PKD1: variants seen among roughly 807,000 people sequenced by gnomAD.
PKD1 encodes the protein polycystin-1.
Under a neutral mutation model 361.7 loss-of-function variants are expected in PKD1, and 81 were observed. The observed-to-expected ratio is 0.22, with a 90% CI of 0.19 to 0.27. PKD1 has a LOEUF of 0.27. Ranked by LOEUF, PKD1 falls within the 10% of genes least tolerant of loss-of-function variation. PKD1 has a pLI of 1.00. For missense variants in PKD1, 6,399 were observed against 6,118.3 expected (o/e 1.05, Z -1.53); for synonymous variants, 3,615 against 2,818.3 (o/e 1.28, Z -8.95).
Position 2,093,792 on chromosome 16 carries a change from C to G in PKD1, c.10821+19G>C. The G allele has an allele frequency of 6.4e-7, 1 of 1,553,668 alleles. No homozygotes were observed. Among genetic ancestry groups the G allele is most frequent in the Non-Finnish European group, 8.7e-7 (1 of 1,152,464 alleles). The stretch of plus-strand genomic sequence containing the variant: ...CCCCGTGATGGAGGCCTGTAGCCTA[C>G]CCCTGGCAGCCCCCTCACCTTCAGT... On this transcript the variant is annotated intron_variant, in intron 36 of 45. Coordinates refer to ENST00000262304, the MANE Select transcript of PKD1 (RefSeq NM_001009944.3).
Position 2,122,532 on chromosome 16 carries a change from G to A in PKD1, c.216-3154C>T, listed in dbSNP as rs555000591. 2.0e-5 allele frequency among the ~76,000 whole-genome samples: 3 copies of A among 152,350 alleles called. No individual in the cohort carries two copies. In the South Asian group the frequency reaches 6.2e-4, roughly 32 times the overall value. ...GGGTGGGCCCACAGCCGCGCTGCTAGGCATCCACACCATCCCCGCCGTGGG... is the reference window on the plus strand; with the variant it reads ...GGGTGGGCCCACAGCCGCGCTGCTAAGCATCCACACCATCCCCGCCGTGGG... On this transcript the variant is annotated intron_variant, in intron 1 of 45. Transcript: ENST00000262304.
intron 39 of PKD1, 63 bp downstream of exon 39, chr16:2,092,417 C>T: frequency 2.5e-6 from 3 of 1,218,234 alleles, no homozygotes; most frequent in Non-Finnish European, 3.6e-6. Flanking sequence ...CAGAGCTCCG[C>T]TAAAGGCTGC....
chr16:2,105,457 G>C lies in PKD1; in HGVS notation c.7881C>G (p.Asp2627Glu), dbSNP rs759121558. Residue 2627 changes from aspartate (D) to glutamate (E), a missense_variant, in exon 21 of 46, where the codon GAC becomes GAG. Transcript: ENST00000262304. Reference sequence around the variant, plus strand: ...GCTCGTGCTTGGGCTCTGCCGCCACGTCCAGGGCCCGCTCGTACTGGGGCA... The same window carrying C: ...GCTCGTGCTTGGGCTCTGCCGCCACCTCCAGGGCCCGCTCGTACTGGGGCA... ...TVLNEYERAL[D>E]VAAEPKHERQ... 8 of 1,594,398 alleles carry C rather than the reference G, an allele frequency of 5.0e-6. No individual in the cohort carries two copies. In the Admixed American group the frequency reaches 1.3e-4, roughly 27 times the overall value.
In PKD1 at chr16:2,090,282, C is replaced by T. The variant is rs761540241; in HGVS notation, c.12444+3G>A. 6.2e-7 allele frequency: 1 copy of T among 1,609,018 alleles called. No homozygotes were observed. Among genetic ancestry groups the T allele is most frequent in the Non-Finnish European group, 8.5e-7 (1 of 1,177,536 alleles). On this transcript the variant is annotated splice_donor_region_variant and intron_variant, in intron 45 of 45. Transcript: ENST00000262304. The stretch of plus-strand genomic sequence containing the variant: ...CCTCTCCCCCCCACTGGGCCGTACC[C>T]ACCTCCTTGACCTTGCTGAGGCCCA...
At position 2,089,474 on chromosome 16, in the gene PKD1, C is replaced by T. The variant is rs1330544126; in HGVS notation, c.*253G>A. On this transcript the variant is annotated 3_prime_UTR_variant, in exon 46 of 46. Transcript: ENST00000262304. ...CTGAGGACTCGGGGAAATAAATTAG[C>T]ATCTCAGAGGCTAGAAACCGTCCAA... 10 of 557,646 alleles carry T rather than the reference C, an allele frequency of 1.8e-5. No individual in the cohort carries two copies. Among genetic ancestry groups the T allele is most frequent in the East Asian group, 1.8e-4 (6 of 33,654 alleles). 34.5% of individuals were successfully genotyped at this position (557,646 alleles called of 1,614,324 possible). A position where few individuals can be genotyped will look rare whatever the true frequency, so the allele number is the denominator to read the frequency against.
chr16:2,135,709 T>A lies in PKD1; in HGVS notation c.-20A>T. On this transcript the variant is annotated 5_prime_UTR_variant, in exon 1 of 46. An upstream start codon of the reference 5' UTR is lost. Transcript: ENST00000262304. ...CGGCATCGTTAGGGCAGCGCGCGCA[T>A]GGCCCCGCCGTCCCCAGGCCCGCCC... 2 of 911,806 alleles carry A rather than the reference T, an allele frequency of 2.2e-6. No homozygotes were observed. Among genetic ancestry groups the A allele is most frequent in the East Asian group, 1.2e-4 (1 of 8,298 alleles). 56.5% of individuals were successfully genotyped at this position (911,806 alleles called of 1,614,324 possible). A position where few individuals can be genotyped will look rare whatever the true frequency, so the allele number is the denominator to read the frequency against.
At position 2,110,078 on chromosome 16, in the gene PKD1, G is replaced by A; in HGVS notation, c.5089C>T (p.Leu1697=). ...VLEAGTYHVQ[L]RATNMLGSAW... is the part of the protein sequence containing the mutation. ...CTGCCCAGCATGTTGGTGGCCCGCA[G>A]CTGCACATGGTAGGTGCCGGCCTCG... Residue 1697 remains leucine (L), a synonymous_variant, in exon 15 of 46, where the codon CTG becomes TTG. Transcript: ENST00000262304. 6.2e-7 allele frequency: 1 copy of A among 1,609,928 alleles called. No homozygotes were observed. Among genetic ancestry groups the A allele is most frequent in the African/African-American group, 1.3e-5 (1 of 74,974 alleles).
At chr16:2,091,753 C>G (rs777380909) in intron 41 of PKD1, 28 bp downstream of exon 41, 13 of 1,608,256 alleles carry the variant, frequency 8.1e-6, no homozygotes, top group Non-Finnish European at 1.0e-5. Flanking sequence ...GCGGCCACCC[C>G]GGAGAGGGCA....
rs2092303581 is a variant in PKD1, at chr16:2,105,414, T to C, written c.7924A>G (p.Ile2642Val). The C allele has an allele frequency of 1.3e-6, 2 of 1,585,032 alleles. No homozygotes were observed. The highest frequency in any genetic ancestry group is 1.4e-5 in the African/African-American group (1 of 72,188). ...AGAGTCTCCGTGATGTTCTTGCGTA[T>C]CTGGGCTCGGTGCTGCCGCTCGTGC... ...PKHERQHRAQ[I>V]RKNITETLVS... The change falls in exon 21 of 46, where the codon ATA becomes GTA. Residue 2642 changes from isoleucine (I) to valine (V), a missense_variant. By Grantham distance (29) the Ile-to-Val change is conservative. Transcript: ENST00000262304.
intron 23 of PKD1, 51 bp downstream of exon 23, chr16:2,103,215 C>T (rs939795633): frequency 3.8e-6 from 6 of 1,583,212 alleles, no homozygotes; most frequent in African/African-American, 2.7e-5. Flanking sequence ...AAACGCCTTC[C>T]CCCCAAGAAC....
intron 1 of PKD1, among the ~76,000 whole-genome samples, chr16:2,125,131 G>T (rs557192549): frequency 1.8e-4 from 28 of 152,366 alleles, no homozygotes; most frequent in African/African-American, 6.7e-4. Flanking sequence ...TTCTATTTAA[G>T]GAGAGTGAGG....
intron 1 of PKD1, among the ~76,000 whole-genome samples, chr16:2,123,770 C>T (rs989715593): frequency 2.0e-5 from 3 of 152,168 alleles, no homozygotes; most frequent in Non-Finnish European, 4.4e-5. Context: ...GCCCTTGCTG[C>T]CCCACGCACT....
In PKD1 at chr16:2,103,567, G is replaced by A. The variant is rs200000959; in HGVS notation, c.8490C>T (p.Asp2830=). The A allele has an allele frequency of 1.2e-5, 20 of 1,610,126 alleles. No individual in the cohort carries two copies. The East Asian group carries it at 1.6e-4, about 13-fold the overall frequency. ...TATAGCCAAAGGGAAAGGGATTGGA[G>A]TCCACCAGAAAGATGAGCTGCACCA... is the stretch of plus-strand genomic sequence containing the variant. ...SDVVQLIFLV[D]SNPFPFGYIS... Residue 2830 remains aspartate (D), a synonymous_variant, in exon 23 of 46, where the codon GAC becomes GAT. Coordinates refer to ENST00000262304, the MANE Select transcript of PKD1 (RefSeq NM_001009944.3).
intron 1 of PKD1, among the ~76,000 whole-genome samples, chr16:2,130,797 G>A (rs1464360612): frequency 6.6e-6 from 1 of 152,242 alleles, no homozygotes; most frequent in African/African-American, 2.4e-5. Context: ...ATTCAGGGAT[G>A]CAGGTGGGAA....
rs1380196824 is a variant in PKD1, at chr16:2,090,001, G to C, written c.12638C>G (p.Ser4213Cys). Residue 4213 changes from serine (S) to cysteine (C), a missense_variant, in exon 46 of 46, where the codon TCC (serine) becomes TGC (cysteine). Transcript: ENST00000262304. ...GGCCTCGAACACGGCTTGGAGGCGG[G>C]AGGGCTCAGGCTCACACCTTGTCCC... ...RLGTRCEPEPSRLQAVFEALL... is the reference protein window; with the variant it reads ...RLGTRCEPEPCRLQAVFEALL... 6.2e-7 allele frequency: 1 copy of C among 1,610,392 alleles called. No homozygotes were observed. The highest frequency in any genetic ancestry group is 2.2e-5 in the East Asian group (1 of 44,788).
chr16:2,119,196 C>T lies in PKD1; in HGVS notation c.288-11G>A, dbSNP rs750270591. On this transcript the variant is annotated splice_polypyrimidine_tract_variant and intron_variant, in intron 2 of 45. Transcript: ENST00000262304. The stretch of plus-strand genomic sequence containing the variant: ...TTGTTGCTTATATCCCTGGAAGAGA[C>T]GGGGGATTCGGCAAAGCTGATGGAA... 65 of 1,559,980 alleles carry T rather than the reference C, an allele frequency of 4.2e-5. No homozygotes were observed. Among genetic ancestry groups the T allele is most frequent in the Admixed American group, 6.7e-5 (4 of 59,760 alleles).
In PKD1 at chr16:2,125,324, C is replaced by T. The variant is rs552345295; in HGVS notation, c.216-5946G>A. On this transcript the variant is annotated intron_variant, in intron 1 of 45. Transcript: ENST00000262304. ...CTGGCCCCACGAGGGGTGGGGGTGG[C>T]AGCCTCTGATACAGGACGAGGCTGC... 2.6e-5 allele frequency among the ~76,000 whole-genome samples: 4 copies of T among 152,274 alleles called. No homozygotes were observed. The South Asian group carries it at 8.3e-4, about 32-fold the overall frequency.
Position 2,102,633 on chromosome 16 carries a change from C to T in PKD1, c.8949G>A (p.Gly2983=), listed in dbSNP as rs769271032. ...HRPYTFFISP[G]SRDPAGSYHL... is the part of the protein sequence containing the mutation. ...GGTAACTCCCCGCTGGGTCTCTGCT[C>T]CTGGGCAGGGAAGGGGTAGCGGACG... The change falls in exon 25 of 46, where the codon GGG becomes GGA. Residue 2983 remains glycine (G), a splice_region_variant and synonymous_variant. Transcript: ENST00000262304. The T allele has an allele frequency of 5.0e-6, 8 of 1,610,856 alleles. No individual in the cohort carries two copies. The Admixed American group carries it at 1.0e-4, about 20-fold the overall frequency.
In PKD1 at chr16:2,103,443, T is replaced by C. The variant is rs751133939; in HGVS notation, c.8614A>G (p.Ile2872Val). The change falls in exon 23 of 46, where the codon ATC becomes GTC. Residue 2872 changes from isoleucine (I) to valine (V), a missense_variant. Physicochemically the swap from Ile to Val is conservative, Grantham distance 29. Coordinates refer to ENST00000262304, the MANE Select transcript of PKD1 (RefSeq NM_001009944.3). ...PIERLASERA[I>V]TVKVPNNSDW... The stretch of plus-strand genomic sequence containing the variant: ...GAGTTGTTGGGCACCTTCACGGTGA[T>C]GGCGCGCTCTGAGGCCAGCCGCTCG... 5 of 1,599,130 alleles carry C rather than the reference T, an allele frequency of 3.1e-6. No homozygotes were observed. The South Asian group carries it at 3.3e-5, about 11-fold the overall frequency.
Sources: allele counts gnomAD v4.1 joint callset (sites outside exome capture counted in the v4.1 genomes callset), GRCh38; gene constraint gnomAD v4.1.1; transcripts MANE v1.5; gene names NCBI Gene and HGNC (gene_info 2026-07-23, HGNC 2026-07-21).